The following PCSK6 variants were observed in gnomAD, a reference collection of about 807,000 sequenced individuals.
PCSK6 encodes paired basic amino acid cleaving enzyme 4.
A neutral mutation model predicts 123.3 loss-of-function variants in PCSK6; 85 were observed. The ratio of observed to expected loss-of-function variants is 0.69; its 90% CI spans 0.58 to 0.83. The LOEUF is 0.83. Among genes scored for constraint, PCSK6 ranks in the 40% least tolerant of loss-of-function variants. The pLI is 0.00. For missense variants in PCSK6, 1,191 were observed against 1,282.3 expected (o/e 0.93, Z 1.09); for synonymous variants, 508 against 516.0 (o/e 0.98, Z 0.21).
intron 1 of PCSK6, among the ~76,000 whole-genome samples, chr15:101,481,588 T>A (rs963067536): frequency 1.3e-5 from 2 of 151,846 alleles, no homozygotes; most frequent in Admixed American, 1.3e-4. Context: ...GGCCACAGCC[T>A]GTGCTGGGCG....
At chr15:101,404,373 G>A (rs749630157) in intron 6 of PCSK6, among the ~76,000 whole-genome samples, 11 of 152,320 alleles carry the variant, frequency 7.2e-5, no homozygotes, top group South Asian at 4.1e-4. Flanking sequence ...AGGAGGGGTC[G>A]GGTGGACATG....
intron 6 of PCSK6, among the ~76,000 whole-genome samples, chr15:101,409,470 A>C (rs956340677): frequency 5.3e-5 from 8 of 151,922 alleles, no homozygotes; most frequent in African/African-American, 1.9e-4. Context: ...CTGTAGTCCC[A>C]GCTACTCGGG....
intron 13 of PCSK6, among the ~76,000 whole-genome samples, chr15:101,353,337 G>A (rs1457530142): frequency 6.6e-6 from 1 of 152,224 alleles, no homozygotes; most frequent in Non-Finnish European, 1.5e-5. Context: ...ACAGGAGGTA[G>A]AGTTCAGGCA....
At chr15:101,356,128 G>A (rs961556438) in intron 13 of PCSK6, among the ~76,000 whole-genome samples, 6 of 152,216 alleles carry the variant, frequency 3.9e-5, no homozygotes, top group African/African-American at 1.4e-4. Flanking sequence ...GGGCATTTTG[G>A]ATGGCAACTC....
chr15:101,480,719 C>T (rs774856114), intron 1 of PCSK6, among the ~76,000 whole-genome samples: 1 of 152,190 alleles, frequency 6.6e-6, no homozygotes, highest in Non-Finnish European at 1.5e-5. Context: ...CTCCAGGGCA[C>T]TAGTGGGGCC....
chr15:101,382,861 C>G (rs1316612700), intron 10 of PCSK6, among the ~76,000 whole-genome samples: 1 of 152,180 alleles, frequency 6.6e-6, no homozygotes, highest in East Asian at 1.9e-4. Context: ...TGGGTCAGCT[C>G]TTGTTACAGT....
At chr15:101,321,100 C>G (rs2040112417) in intron 18 of PCSK6, among the ~76,000 whole-genome samples, 1 of 152,202 alleles carries the variant, frequency 6.6e-6, no homozygotes, top group South Asian at 2.1e-4. Context: ...CCCCCAGCTA[C>G]CAGCCTGGGT....
intron 13 of PCSK6, among the ~76,000 whole-genome samples, chr15:101,336,184 T>A (rs1279480941): frequency 2.6e-5 from 4 of 152,266 alleles, no homozygotes; most frequent in African/African-American, 9.6e-5. Flanking sequence ...GCTTTGCCCC[T>A]GCTAGCAAAT....
chr15:101,425,238 G>A (rs1402925118), intron 6 of PCSK6, among the ~76,000 whole-genome samples: 1 of 152,178 alleles, frequency 6.6e-6, no homozygotes, highest in African/African-American at 2.4e-5. Flanking sequence ...GGTAGGTGTG[G>A]GGTTGAGGCT....
At chr15:101,381,956 T>G in intron 11 of PCSK6, 136 bp downstream of exon 11, 1 of 618,692 alleles carries the variant, frequency 1.6e-6, no homozygotes, top group Non-Finnish European at 2.9e-6. Flanking sequence ...AACGCAGACG[T>G]GTGCAGGCAT....
chr15:101,332,659 T>C (rs928941523), intron 13 of PCSK6, among the ~76,000 whole-genome samples: 4 of 152,104 alleles, frequency 2.6e-5, no homozygotes, highest in African/African-American at 9.7e-5. Flanking sequence ...AAGAACATCT[T>C]TGAAAGCAGG....
In PCSK6 at chr15:101,384,061, T is replaced by C. The variant is rs113837039; in HGVS notation, c.1414+261A>G. The C allele has an allele frequency of 4.8e-4, 454 of 940,752 alleles. 5 individuals are homozygous for C. In the African/African-American group the frequency reaches 6.3e-3, roughly 13 times the overall value. The allele number at this position is 940,752 out of a possible 1,614,324, so 58.3% of individuals were successfully genotyped here. A position where few individuals can be genotyped will look rare whatever the true frequency, so the allele number is the denominator to read the frequency against. The stretch of plus-strand genomic sequence containing the variant: ...AAAGAGAACTATGAGTAAATATTGG[T>C]ATAGGTGGTGTCTCGGTGTGGCCAA... On this transcript the variant is annotated intron_variant, in intron 10 of 21. Transcript: ENST00000611716.
intron 1 of PCSK6, among the ~76,000 whole-genome samples, chr15:101,468,541 C>T (rs1023011235): frequency 1.3e-5 from 2 of 152,150 alleles, no homozygotes; most frequent in African/African-American, 2.4e-5. Flanking sequence ...CTGATGCTTC[C>T]AAATTTCAGC....
intron 6 of PCSK6, among the ~76,000 whole-genome samples, chr15:101,412,485 C>A (rs1388665669): frequency 4.6e-5 from 7 of 151,302 alleles, no homozygotes; most frequent in African/African-American, 1.5e-4. Flanking sequence ...ATGAAAAAAA[C>A]ACCTAGGTGA....
At chr15:101,455,491 G>A (rs1322856328) in intron 1 of PCSK6, among the ~76,000 whole-genome samples, 4 of 152,250 alleles carry the variant, frequency 2.6e-5, no homozygotes, top group African/African-American at 7.2e-5. Context: ...CATGGGTGGT[G>A]AGAGTGTCAG....
chr15:101,339,486 C>T (rs1283691970), intron 13 of PCSK6, among the ~76,000 whole-genome samples: 1 of 152,154 alleles, frequency 6.6e-6, no homozygotes, highest in Non-Finnish European at 1.5e-5. Context: ...AGCTTACTTC[C>T]ATCCATTTAT....
At chr15:101,369,385 C>T (rs1051478862) in intron 12 of PCSK6, among the ~76,000 whole-genome samples, 9 of 152,308 alleles carry the variant, frequency 5.9e-5, no homozygotes, top group South Asian at 4.1e-4. Flanking sequence ...TCTGCAGCTC[C>T]CTATAGCCTA....
intron 6 of PCSK6, among the ~76,000 whole-genome samples, chr15:101,410,587 C>T (rs1362353993): frequency 6.6e-6 from 1 of 152,188 alleles, no homozygotes; most frequent in African/African-American, 2.4e-5. Context: ...CCAAAATATG[C>T]TTGGAAGGAA....
chr15:101,397,311 C>T (rs575399776), intron 7 of PCSK6, among the ~76,000 whole-genome samples: 60 of 152,082 alleles, frequency 3.9e-4, no homozygotes, highest in African/African-American at 1.1e-3. Context: ...GGGCAGGACT[C>T]GGGGGTGGGC....
Sources: gnomAD v4.1 joint callset for allele counts (sites outside exome capture counted in the v4.1 genomes callset) on GRCh38, gnomAD v4.1.1 for gene constraint, MANE v1.5 for transcripts, NCBI Gene and HGNC (gene_info 2026-07-23, HGNC 2026-07-21) for gene names.